Variants in MNAT1 observed in about 807,000 individuals in gnomAD.
MNAT1 encodes the protein CDK-activating kinase assembly factor MAT1.
In MNAT1, 43 loss-of-function variants were observed where a neutral mutation model predicts 42.0. The observed-to-expected ratio is 1.02, with a 90% CI of 0.80 to 1.32. The LOEUF is 1.32. Ranked by LOEUF, MNAT1 falls within the 40% of genes most tolerant of loss-of-function variation. The pLI is 0.00. For missense variants in MNAT1, 306 were observed against 350.4 expected (o/e 0.87, Z 1.01); for synonymous variants, 118 against 120.0 (o/e 0.98, Z 0.11).
At chr14:60,863,111 T>C (rs1333856507) in intron 6 of MNAT1, among the ~76,000 whole-genome samples, 1 of 152,194 alleles carries the variant, frequency 6.6e-6, no homozygotes, top group African/African-American at 2.4e-5. Flanking sequence ...ACAGTATGAT[T>C]CTTTTTCCTA....
intron 7 of MNAT1, among the ~76,000 whole-genome samples, chr14:60,963,364 A>G (rs2036630306): frequency 6.6e-6 from 1 of 152,164 alleles, no homozygotes; most frequent in Non-Finnish European, 1.5e-5. Context: ...TTATCTTAGA[A>G]TATATGGTTA....
intron 7 of MNAT1, among the ~76,000 whole-genome samples, chr14:60,913,716 G>A (rs1240452330): frequency 6.6e-6 from 1 of 152,164 alleles, no homozygotes; most frequent in Non-Finnish European, 1.5e-5. Context: ...ACCCAGCCGT[G>A]TGAGGTGTCA....
intron 6 of MNAT1, among the ~76,000 whole-genome samples, chr14:60,849,569 C>T (rs1187456113): frequency 6.6e-6 from 1 of 152,148 alleles, no homozygotes; most frequent in African/African-American, 2.4e-5. Context: ...GATCTTAAGA[C>T]TGAAGAGCAT....
At chr14:60,895,890 G>T (rs1456127955) in intron 7 of MNAT1, among the ~76,000 whole-genome samples, 1 of 152,102 alleles carries the variant, frequency 6.6e-6, no homozygotes, top group East Asian at 1.9e-4. Flanking sequence ...CACCTTATTT[G>T]TTTCTAAAAT....
At chr14:60,943,549 T>C (rs1047448674) in intron 7 of MNAT1, among the ~76,000 whole-genome samples, 1 of 152,156 alleles carries the variant, frequency 6.6e-6, no homozygotes, top group Admixed American at 6.5e-5. Context: ...ATCATCTCGT[T>C]AGAGTCAATT....
rs79670135 is a variant in MNAT1 at position 60,842,456 on chromosome 14, G to C, written c.687+23609G>C. 3.8e-4 allele frequency among the ~76,000 whole-genome samples: 58 copies of C among 152,258 alleles called. No individual in the cohort carries two copies. The East Asian group carries it at 9.7e-3, about 25-fold the overall frequency. ...CATGCAGGAAGCCAGGGCAATCAAA[G>C]GGTTCATTTCATTTGTTTTTCTTCC... On this transcript the variant is annotated intron_variant, in intron 6 of 7. Coordinates refer to ENST00000261245, the MANE Select transcript of MNAT1 (RefSeq NM_002431.4).
rs4151333 is a variant in MNAT1, at chr14:60,905,319, A to G, written c.809+25484A>G. Among the ~76,000 whole-genome samples, 168 of 152,298 alleles carry G rather than the reference A, an allele frequency of 1.1e-3. No individual in the cohort carries two copies. In the East Asian group the frequency reaches 0.023, roughly 21 times the overall value. On this transcript the variant is annotated intron_variant, in intron 7 of 7. Coordinates refer to ENST00000261245, the MANE Select transcript of MNAT1 (RefSeq NM_002431.4). ...TGAAACTTAAAATTCAACTGTAATA[A>G]AACCAACAATAACAGTACATTATTG...
intron 7 of MNAT1, among the ~76,000 whole-genome samples, chr14:60,910,393 G>C (rs2139524876): frequency 6.6e-6 from 1 of 152,232 alleles, no homozygotes; most frequent in Non-Finnish European, 1.5e-5. Context: ...GGGCATCCCT[G>C]TCTTGTGCCA....
At chr14:60,908,185 AGTTT>A (rs2035255511) in intron 7 of MNAT1, among the ~76,000 whole-genome samples, 1 of 152,144 alleles carries the variant, frequency 6.6e-6, no homozygotes, top group Non-Finnish European at 1.5e-5. Context: ...TAGATATTTT[AGTTT>A]GTTACTTATT....
At chr14:60,936,333 C>T (rs2035995939) in intron 7 of MNAT1, among the ~76,000 whole-genome samples, 1 of 151,772 alleles carries the variant, frequency 6.6e-6, no homozygotes, top group Non-Finnish European at 1.5e-5. Context: ...CACTCATTAA[C>T]TCATCATTTA....
In MNAT1 at chr14:60,835,121, C is replaced by T. The variant is rs143423512; in HGVS notation, c.687+16274C>T. Among the ~76,000 whole-genome samples the T allele has an allele frequency of 4.5e-3, 685 of 151,980 alleles. 1 individual carries two copies. The highest frequency in any genetic ancestry group is 0.016 in the African/African-American group (657 of 41,402). On this transcript the variant is annotated intron_variant, in intron 6 of 7. Coordinates refer to ENST00000261245, the MANE Select transcript of MNAT1 (RefSeq NM_002431.4). Reference sequence around the variant, plus strand: ...TTGCTTGGTAAATATTCCTCTATCCCTTTATTTTGAGCCTGTGTGTTTCTT... The same window carrying T: ...TTGCTTGGTAAATATTCCTCTATCCTTTTATTTTGAGCCTGTGTGTTTCTT...
rs367762699 is a variant in MNAT1 at position 60,754,998 on chromosome 14, A to G, written c.89+20047A>G. ...GTTGAATCTTATGTGGAATTTGTATATACGTATTTTTTTTTTCCAGAGACA... is the reference window on the plus strand; with the variant it reads ...GTTGAATCTTATGTGGAATTTGTATGTACGTATTTTTTTTTTCCAGAGACA... On this transcript the variant is annotated intron_variant, in intron 1 of 7. Transcript: ENST00000261245. Among the ~76,000 whole-genome samples, 29 of 152,032 alleles carry G rather than the reference A, an allele frequency of 1.9e-4. 1 individual carries two copies. Among genetic ancestry groups the G allele is most frequent in the East Asian group, 1.4e-3 (7 of 5,162 alleles).
At chr14:60,937,892 C>T (rs2036039133) in intron 7 of MNAT1, among the ~76,000 whole-genome samples, 1 of 152,006 alleles carries the variant, frequency 6.6e-6, no homozygotes, top group Non-Finnish European at 1.5e-5. Flanking sequence ...TGTTTGTATC[C>T]TCTTTTATTT....
Position 60,879,834 on chromosome 14 carries a change from G to A in MNAT1, c.808G>A (p.Gly270Arg), listed in dbSNP as rs371843650. The A allele has an allele frequency of 1.4e-5, 22 of 1,611,800 alleles. No homozygotes were observed. The highest frequency in any genetic ancestry group is 1.8e-5 in the Non-Finnish European group (21 of 1,178,964). ...VPELEMLGRL[G>R]YLNHVRAASP... ...TGAGCTTGAGATGCTAGGAAGACTT[G>A]GGTATGTGTCCTAAAGAACTTTACA... Residue 270 changes from glycine to arginine, a missense_variant and splice_region_variant, in exon 7 of 8, where the codon GGG (glycine) becomes AGG (arginine). Transcript: ENST00000261245.
In MNAT1 at chr14:60,923,312, T is replaced by A. The variant is rs559020097; in HGVS notation, c.809+43477T>A. Reference sequence around the variant, plus strand: ...ATTTCATTTCCAACAAGTTCCTAAGTAATGCTGATGCTGATGGTTAAGGAC... The same window carrying A: ...ATTTCATTTCCAACAAGTTCCTAAGAAATGCTGATGCTGATGGTTAAGGAC... On this transcript the variant is annotated intron_variant, in intron 7 of 7. Coordinates refer to ENST00000261245, the MANE Select transcript of MNAT1 (RefSeq NM_002431.4). Among the ~76,000 whole-genome samples the A allele has an allele frequency of 6.6e-4, 100 of 152,330 alleles. 1 individual carries two copies. The highest frequency in any genetic ancestry group is 2.4e-3 in the African/African-American group (99 of 41,566).
intron 7 of MNAT1, among the ~76,000 whole-genome samples, chr14:60,925,473 G>A (rs1295838418): frequency 6.6e-6 from 1 of 152,136 alleles, no homozygotes; most frequent in Non-Finnish European, 1.5e-5. Context: ...TGTACAGGAT[G>A]TCTAGTTATA....
At chr14:60,857,260 G>A (rs2033984192) in intron 6 of MNAT1, among the ~76,000 whole-genome samples, 1 of 152,196 alleles carries the variant, frequency 6.6e-6, no homozygotes, top group African/African-American at 2.4e-5. Flanking sequence ...TTGATATTTT[G>A]GAAGTTTCGG....
At chr14:60,738,099 A>G (rs1223338576) in intron 1 of MNAT1, among the ~76,000 whole-genome samples, 1 of 144,134 alleles carries the variant, frequency 6.9e-6, no homozygotes, top group Non-Finnish European at 1.5e-5. Flanking sequence ...AAAAAAAAAG[A>G]TCTTGTCAAT....
rs1283504083 is a variant in MNAT1 at position 60,740,227 on chromosome 14, C to CT, written c.89+5282dup. On this transcript the variant is annotated intron_variant, in intron 1 of 7. Coordinates refer to ENST00000261245, the MANE Select transcript of MNAT1 (RefSeq NM_002431.4). This position sits in a 1 kb window ranked among gnomAD's most constrained non-coding sequence, Gnocchi z 4.1. ...CTGGAAATTTTATGTGCTAAATCTACTTTTTTCATCACGCACGAGACGCAA... is the reference window on the plus strand; with the variant it reads ...CTGGAAATTTTATGTGCTAAATCTACTTTTTTTCATCACGCACGAGACGCAA... Among the ~76,000 whole-genome samples the CT allele has an allele frequency of 2.0e-5, 3 of 152,312 alleles. No individual in the cohort carries two copies. The South Asian group carries it at 6.2e-4, about 32-fold the overall frequency.
Sources: gnomAD v4.1 joint callset for allele counts (sites outside exome capture counted in the v4.1 genomes callset) on GRCh38, gnomAD v4.1.1 for gene constraint, Gnocchi (gnomAD v3.1) non-coding constraint, MANE v1.5 for transcripts, NCBI Gene and HGNC (gene_info 2026-07-23, HGNC 2026-07-21) for gene names.